C20orf96: variants seen among roughly 807,000 people sequenced by gnomAD.
C20orf96 encodes chromosome 20 open reading frame 96, also known as uncharacterized protein C20orf96.
In C20orf96, 57 loss-of-function variants were observed where a neutral mutation model predicts 52.6. The observed-to-expected ratio is 1.08, with a 90% confidence interval of 0.88 to 1.35. The LOEUF is 1.35. C20orf96 is among the 40% of genes most tolerant of loss of function. C20orf96 has a pLI of 0.00. For synonymous variants in C20orf96, 168 were observed against 157.2 expected, an observed-to-expected ratio of 1.07 and a Z score of -0.51; for missense variants, 478 against 443.6, an observed-to-expected ratio of 1.08 and a Z score of -0.70.
chr20:273,754 G>GT (rs1012413954), intron 10 of C20orf96, among the ~76,000 whole-genome samples: 6 of 151,978 alleles, frequency 3.9e-5, no homozygotes, highest in Admixed American at 2.0e-4. Context: ...GTGCACACCT[G>GT]TAATCCCAGC....
At chr20:275,322 C>T (rs547477187) in intron 10 of C20orf96, among the ~76,000 whole-genome samples, 67 of 146,974 alleles carry the variant, frequency 4.6e-4, no homozygotes, top group African/African-American at 1.6e-3. Context: ...GTTTTGGGGG[C>T]GGGGGGCGGT....
intron 4 of C20orf96, among the ~76,000 whole-genome samples, chr20:281,777 G>C (rs1262996365): frequency 6.6e-6 from 1 of 152,192 alleles, no homozygotes; most frequent in Non-Finnish European, 1.5e-5. Flanking sequence ...CCAGGAGTTA[G>C]AGCCCTGGGC....
At position 290,563 on chromosome 20, in the gene C20orf96, ATTTTT is replaced by A. The variant is rs750461479; in HGVS notation, c.20+23_20+27del. The A allele has an allele frequency of 7.9e-4, 1,029 of 1,309,112 alleles. 11 individuals are homozygous for A. In the African/African-American group the frequency reaches 0.018, roughly 23 times the overall value. The allele number at this position is 1,309,112 out of a possible 1,614,324, so 81.1% of individuals were successfully genotyped here. A position where few individuals can be genotyped will look rare whatever the true frequency, so the allele number is the denominator to read the frequency against. On this transcript the variant is annotated intron_variant, in intron 1 of 10. Transcript: ENST00000360321. ...GCATGCGTATTCCGCCTTTCTTCCA[ATTTTT>A]TTTTTTTTTTTTTTTTACCTACTTT...
At chr20:290,543 C>T in intron 1 of C20orf96, 48 bp downstream of exon 1, 2 of 1,586,640 alleles carry the variant, frequency 1.3e-6, no homozygotes, top group Non-Finnish European at 1.7e-6. Context: ...AGTACGCATG[C>T]GTATTCCGCC....
chr20:273,619 T>C (rs1170032071), intron 10 of C20orf96, among the ~76,000 whole-genome samples: 1 of 152,040 alleles, frequency 6.6e-6, no homozygotes, highest in Non-Finnish European at 1.5e-5. Context: ...TTCACACCTG[T>C]AATCCCAGCA....
At position 270,998 on chromosome 20, in the gene C20orf96, G is replaced by T; in HGVS notation, c.*209C>A. On this transcript the variant is annotated 3_prime_UTR_variant, in exon 11 of 11. Transcript: ENST00000360321. ...CCACAGGAAGAAAGAAAGGAGGGAG[G>T]GAGGGAGAGGAGGAAGGAAGGAGGA... is the stretch of plus-strand genomic sequence containing the variant. 1 of 538,802 alleles carries T rather than the reference G, an allele frequency of 1.9e-6. No individual in the cohort carries two copies. Among genetic ancestry groups the T allele is most frequent in the East Asian group, 3.4e-5 (1 of 29,532 alleles). 33.4% of individuals were successfully genotyped at this position (538,802 alleles called of 1,614,324 possible).
chr20:274,038 G>T (rs1161797825), intron 10 of C20orf96, among the ~76,000 whole-genome samples: 1 of 151,294 alleles, frequency 6.6e-6, no homozygotes, highest in Non-Finnish European at 1.5e-5. Context: ...AGGAATGAAG[G>T]AAGGAAAGAA....
chr20:271,359 T>C (rs2011830130), intron 10 of C20orf96, 92 bp from the exon 11 acceptor site: 1 of 1,068,606 alleles, frequency 9.4e-7, no homozygotes, highest in Non-Finnish European at 1.3e-6. Flanking sequence ...AGAACTCTGG[T>C]ACGTACTTGG....
At chr20:286,400 C>G (rs933919478) in intron 3 of C20orf96, among the ~76,000 whole-genome samples, 1 of 151,806 alleles carries the variant, frequency 6.6e-6, no homozygotes, top group Non-Finnish European at 1.5e-5. Flanking sequence ...GCCTGTAATC[C>G]CAGCTACTTG....
intron 6 of C20orf96, 107 bp downstream of exon 6, chr20:278,223 C>T (rs1293548392): frequency 4.8e-6 from 4 of 827,298 alleles, no homozygotes; most frequent in East Asian, 4.9e-5. Context: ...AGAAGAGAGC[C>T]AATGGGGCTG....
At chr20:276,225 G>A (rs3827149) in intron 9 of C20orf96, 139 bp from the exon 10 acceptor site, 940,481 of 1,511,670 alleles carry the variant, frequency 0.62, 296,621 homozygotes, top group African/African-American at 0.89. Flanking sequence ...TGGACTCCAG[G>A]GAGGGGACTT....
chr20:290,584 T>TTTTTTTTTA lies in C20orf96; in HGVS notation c.20+6_20+7insTAAAAAAAA, dbSNP rs3835237. The TTTTTTTTTA allele has an allele frequency of 2.1e-5, 32 of 1,554,400 alleles. No homozygotes were observed. The African/African-American group carries it at 3.4e-4, about 17-fold the overall frequency. ...TCCAATTTTTTTTTTTTTTTTTTTT[T>TTTTTTTTTA]ACCTACTTTTGTAAGACATGCGCCA... is the stretch of plus-strand genomic sequence containing the variant. On this transcript the variant is annotated splice_region_variant and intron_variant, in intron 1 of 10. Coordinates refer to ENST00000360321, the MANE Select transcript of C20orf96 (RefSeq NM_153269.3).
chr20:279,878 G>A (rs2012205478), intron 4 of C20orf96, among the ~76,000 whole-genome samples: 1 of 152,102 alleles, frequency 6.6e-6, no homozygotes, highest in African/African-American at 2.4e-5. Context: ...GCTGAGGCAG[G>A]AGAATCGCTT....
chr20:282,194 A>G (rs553528718), intron 4 of C20orf96, among the ~76,000 whole-genome samples: 4 of 152,188 alleles, frequency 2.6e-5, no homozygotes, highest in Non-Finnish European at 5.9e-5. Context: ...CCACCTTAGC[A>G]GCCTCTCGTT....
Position 277,231 on chromosome 20 carries a change from G to A in C20orf96, c.718C>T (p.Gln240Ter), listed in dbSNP as rs1281956554. The change falls in exon 7 of 11, where the codon CAG (glutamine) becomes TAG (stop). Residue 240 changes from glutamine (Q) to a stop codon, truncating the protein, a stop_gained. Coordinates refer to ENST00000360321, the MANE Select transcript of C20orf96 (RefSeq NM_153269.3). LOFTEE classifies it high-confidence loss of function. ...MRQLQQVKDS[Q>*]QDELDDLGEM... ...AGGGGCAGGGGCTCCCCTACCTGCT[G>A]GCTGTCCTTAACCTGCTGCAGCTGG... 1 of 1,614,166 alleles carries A rather than the reference G, an allele frequency of 6.2e-7. No individual in the cohort carries two copies. The highest frequency in any genetic ancestry group is 2.2e-5 in the East Asian group (1 of 44,880).
intron 10 of C20orf96, among the ~76,000 whole-genome samples, 176 bp from the exon 11 acceptor site, chr20:271,443 T>TACACAC (rs71191933): frequency 0.029 from 3,843 of 134,570 alleles, 68 homozygotes; most frequent in Non-Finnish European, 0.044. Flanking sequence ...TACACAAGCA[T>TACACAC]ACACACACAC....
intron 1 of C20orf96, 62 bp downstream of exon 1, chr20:290,529 G>C (rs1600193366): frequency 6.3e-7 from 1 of 1,578,612 alleles, no homozygotes; most frequent in Non-Finnish European, 8.6e-7. Flanking sequence ...GCGGCGGGGT[G>C]TGAAGTACGC....
Position 279,203 on chromosome 20 carries a change from C to G in C20orf96, c.434G>C (p.Arg145Pro). 6.2e-7 allele frequency: 1 copy of G among 1,605,240 alleles called. No individual in the cohort carries two copies. Among genetic ancestry groups the G allele is most frequent in the Non-Finnish European group, 8.5e-7 (1 of 1,177,532 alleles). Residue 145 changes from arginine to proline, a missense_variant, in exon 5 of 11, where the codon CGG (arginine) becomes CCG (proline). Transcript: ENST00000360321. ...GGTGTCCTGCTGCTGCAGCAGGGCC[C>G]GCACGTGCAGGGTCGTGCTGTTCTC... ...EMENSTTLHV[R>P]ALLQQQDTLA...
In C20orf96 at chr20:271,156, C is replaced by T. The variant is rs571007212; in HGVS notation, c.*51G>A. 3.2e-5 allele frequency: 46 copies of T among 1,453,868 alleles called. 1 individual carries two copies. The South Asian group carries it at 5.4e-4, about 17-fold the overall frequency. The allele number at this position is 1,453,868 out of a possible 1,614,324, so 90.1% of individuals were successfully genotyped here. ...TCCTGGAAGTAAATGATCCAAGGCT[C>T]CAGGTGCTGGGAAGAGAGCAGGAGG... On this transcript the variant is annotated 3_prime_UTR_variant, in exon 11 of 11. Coordinates refer to ENST00000360321, the MANE Select transcript of C20orf96 (RefSeq NM_153269.3).
Sources: allele counts gnomAD v4.1 joint callset (sites outside exome capture counted in the v4.1 genomes callset), GRCh38; gene constraint gnomAD v4.1.1; transcripts MANE v1.5; gene names NCBI Gene and HGNC (gene_info 2026-07-23, HGNC 2026-07-21).